ATP10B: variants seen among roughly 807,000 people sequenced by gnomAD.
ATP10B encodes the protein ATPase phospholipid transporting 10B (putative).
A neutral mutation model predicts 141.2 loss-of-function variants in ATP10B; 122 were observed. The observed-to-expected ratio is 0.86, with a 90% CI of 0.75 to 1.00. ATP10B has a LOEUF of 1.00. Among genes scored for constraint, ATP10B ranks in the 50% least tolerant of loss-of-function variants. ATP10B has a pLI of 0.00. For missense variants in ATP10B, 1,876 were observed against 1,825.3 expected, an observed-to-expected ratio of 1.03 and a Z score of -0.51; for synonymous variants, 685 against 692.0, an observed-to-expected ratio of 0.99 and a Z score of 0.16.
chr5:160,824,985 C>T (rs1308788543), intron 1 of ATP10B, among the ~76,000 whole-genome samples: 1 of 152,054 alleles, frequency 6.6e-6, no homozygotes, highest in African/African-American at 2.4e-5. Context: ...ATTTCCAGAG[C>T]ATGTCAACTA....
chr5:160,927,992 G>A, the ATP10B span, among the ~76,000 whole-genome samples: 9 of 148,386 alleles, frequency 6.1e-5, no homozygotes, highest in Non-Finnish European at 4.5e-5. Flanking sequence ...GGAAGACAGA[G>A]TGCCAAGGTC....
chr5:160,908,626 C>T, the ATP10B span, among the ~76,000 whole-genome samples: 4 of 152,166 alleles, frequency 2.6e-5, no homozygotes, highest in Non-Finnish European at 5.9e-5. Context: ...GTTTGAGGAT[C>T]ACTTACTCTG....
chr5:160,663,588 T>A (rs902835385), intron 7 of ATP10B, among the ~76,000 whole-genome samples: 5 of 151,856 alleles, frequency 3.3e-5, no homozygotes, highest in Middle Eastern at 3.2e-3. Context: ...GAATTGAACA[T>A]TGAGAACACA....
chr5:160,794,467 A>C (rs1483872378), intron 1 of ATP10B, among the ~76,000 whole-genome samples: 2 of 152,218 alleles, frequency 1.3e-5, no homozygotes, highest in Non-Finnish European at 2.9e-5. Context: ...ACCAAAGCCA[A>C]TCAAAGTCTT....
At chr5:160,854,276 A>G (rs190039359), upstream of ATP10B, among the ~76,000 whole-genome samples, 2 of 152,178 alleles carry the variant, frequency 1.3e-5, no homozygotes, top group African/African-American at 4.8e-5. Context: ...TGCTGCACCC[A>G]TCAACCCGTC....
chr5:160,806,056 T>C (rs1169650536), intron 1 of ATP10B, among the ~76,000 whole-genome samples: 1 of 152,146 alleles, frequency 6.6e-6, no homozygotes, highest in East Asian at 1.9e-4. Flanking sequence ...TCTCCCTTCC[T>C]CCACTTTTGT....
intron 13 of ATP10B, among the ~76,000 whole-genome samples, chr5:160,628,955 A>C (rs945121456): frequency 7.2e-5 from 11 of 152,054 alleles, no homozygotes; most frequent in Non-Finnish European, 1.2e-4. Context: ...AGAAAAAAAA[A>C]CAGCTTTTGT....
intron 2 of ATP10B, among the ~76,000 whole-genome samples, chr5:160,719,770 C>G (rs1245556473): frequency 6.6e-6 from 1 of 152,178 alleles, no homozygotes; most frequent in South Asian, 2.1e-4. Context: ...ATCTCTAATA[C>G]TTACCATCAC....
At chr5:160,653,898 G>T (rs1351224634) in intron 7 of ATP10B, among the ~76,000 whole-genome samples, 1 of 56,506 alleles carries the variant, frequency 1.8e-5, no homozygotes, top group Non-Finnish European at 3.0e-5. Flanking sequence ...AATATATGTA[G>T]TATATACGTA....
chr5:160,730,711 G>A (rs1258037956), intron 2 of ATP10B, among the ~76,000 whole-genome samples: 1 of 152,098 alleles, frequency 6.6e-6, no homozygotes, highest in East Asian at 1.9e-4. Context: ...ACTCTCCAGG[G>A]TGTCTGTCCA....
chr5:160,831,482 T>C (rs1396674632), intron 1 of ATP10B, among the ~76,000 whole-genome samples: 1 of 152,062 alleles, frequency 6.6e-6, no homozygotes, highest in African/African-American at 2.4e-5. Context: ...AAAATACAGA[T>C]GAAAATCTTG....
intron 2 of ATP10B, among the ~76,000 whole-genome samples, chr5:160,775,887 T>C (rs1172109013): frequency 6.6e-6 from 1 of 152,098 alleles, no homozygotes; most frequent in African/African-American, 2.4e-5. Flanking sequence ...TTCACCGTGT[T>C]AGCCAGGATG....
intron 1 of ATP10B, among the ~76,000 whole-genome samples, chr5:160,833,376 A>C (rs1190037291): frequency 2.0e-5 from 3 of 152,176 alleles, no homozygotes; most frequent in Non-Finnish European, 4.4e-5. Context: ...AGTGAATTTA[A>C]ATAAAGCTGC....
At chr5:160,655,612 A>G (rs551695423) in intron 7 of ATP10B, among the ~76,000 whole-genome samples, 1 of 152,196 alleles carries the variant, frequency 6.6e-6, no homozygotes, top group Non-Finnish European at 1.5e-5. Flanking sequence ...AGGCTGACTC[A>G]TGCCGTAGAA....
At chr5:160,813,418 C>T (rs1373867569) in intron 1 of ATP10B, among the ~76,000 whole-genome samples, 3 of 152,206 alleles carry the variant, frequency 2.0e-5, no homozygotes, top group African/African-American at 7.2e-5. Flanking sequence ...AACTGCAAGG[C>T]AGCAGTGAGG....
intron 1 of ATP10B, among the ~76,000 whole-genome samples, chr5:160,821,884 C>G (rs562298349): frequency 6.6e-6 from 1 of 152,106 alleles, no homozygotes; most frequent in African/African-American, 2.4e-5. Context: ...AAACTTAAAT[C>G]TAAGACCTTA....
rs758729411 is a variant in ATP10B at position 160,620,583 on chromosome 5, A to G, written c.2180T>C (p.Leu727Pro). The G allele has an allele frequency of 6.2e-7, 1 of 1,613,864 alleles. No individual in the cohort carries two copies. The highest frequency in any genetic ancestry group is 8.5e-7 in the Non-Finnish European group (1 of 1,179,768). ...YEAESPDEAALVHAAHAYSFT... is the reference protein window; with the variant it reads ...YEAESPDEAAPVHAAHAYSFT... ...GCTGTAGGCATGGGCAGCGTGCACC[A>G]GGGCGGCCTCATCAGGGCTCTCAGC... Residue 727 changes from leucine to proline, a missense_variant, in exon 15 of 26, where the codon CTG (leucine) becomes CCG (proline). Transcript: ENST00000327245.
At chr5:160,650,763 T>C (rs1760674783) in intron 7 of ATP10B, among the ~76,000 whole-genome samples, 2 of 152,218 alleles carry the variant, frequency 1.3e-5, no homozygotes, top group Non-Finnish European at 2.9e-5. Flanking sequence ...AGAAGGTATA[T>C]AAACTCTGGA....
At chr5:160,843,960 T>G (rs533094426) in intron 1 of ATP10B, among the ~76,000 whole-genome samples, 2 of 152,266 alleles carry the variant, frequency 1.3e-5, no homozygotes, top group East Asian at 1.9e-4. Flanking sequence ...TTTAGTATTA[T>G]TTTCTTAAGT....
Sources: allele counts gnomAD v4.1 joint callset (sites outside exome capture counted in the v4.1 genomes callset), GRCh38; gene constraint gnomAD v4.1.1; transcripts MANE v1.5; gene names NCBI Gene and HGNC (gene_info 2026-07-23, HGNC 2026-07-21).